PAAF1: variants seen among roughly 807,000 people sequenced by gnomAD.
The protein encoded by PAAF1 is proteasomal ATPase-associated factor 1.
Under a neutral mutation model 52.8 loss-of-function variants are expected in PAAF1, and 46 were observed. That is an observed-to-expected ratio of 0.87 (90% CI 0.69 to 1.11). PAAF1 has a LOEUF of 1.11. Among genes scored for constraint, PAAF1 ranks in the 50% most tolerant of loss-of-function variants. PAAF1 has a pLI of 0.00. For synonymous variants in PAAF1, 178 were observed against 172.8 expected, an observed-to-expected ratio of 1.03 and a Z score of -0.24; for missense variants, 424 against 477.4, an observed-to-expected ratio of 0.89 and a Z score of 1.04.
chr11:73,926,768 A>T (rs976274907), intron 11 of PAAF1, among the ~76,000 whole-genome samples: 3 of 152,140 alleles, frequency 2.0e-5, no homozygotes, highest in East Asian at 1.9e-4. Flanking sequence ...ACACATTTCC[A>T]TTGTACAAAT....
At chr11:73,918,163 G>A (rs1355664209) in intron 9 of PAAF1, among the ~76,000 whole-genome samples, 1 of 152,102 alleles carries the variant, frequency 6.6e-6, no homozygotes. Flanking sequence ...ATGTGAAGGG[G>A]ATTGTTTTCA....
upstream of PAAF1, chr11:73,876,721 CA>C (rs1948752181): frequency 3.4e-6 from 1 of 294,562 alleles, no homozygotes; most frequent in Admixed American, 5.2e-5. Flanking sequence ...GTTGTGCCCG[CA>C]ACGCCTCCTG....
At chr11:73,895,687 T>C (rs1565132316) in intron 4 of PAAF1, among the ~76,000 whole-genome samples, 1 of 152,258 alleles carries the variant, frequency 6.6e-6, no homozygotes, top group Non-Finnish European at 1.5e-5. Flanking sequence ...TTGCATATCT[T>C]GGTCCATCAT....
At chr11:73,924,557 T>G in intron 10 of PAAF1, 58 bp from the exon 11 acceptor site, 1 of 1,417,386 alleles carries the variant, frequency 7.1e-7, no homozygotes, top group Non-Finnish European at 1.0e-6. Flanking sequence ...AATACTGAGT[T>G]TTTAAACTCT....
rs751629541 is a variant in PAAF1 at position 73,909,426 on chromosome 11, G to A, written c.560G>A (p.Arg187Gln). The A allele has an allele frequency of 9.3e-6, 15 of 1,613,768 alleles. No homozygotes were observed. Among genetic ancestry groups the A allele is most frequent in the South Asian group, 2.2e-5 (2 of 91,056 alleles). The change falls in exon 7 of 12, where the codon CGG becomes CAG. Residue 187 changes from arginine (R) to glutamine (Q), a missense_variant. Coordinates refer to ENST00000310571, the MANE Select transcript of PAAF1 (RefSeq NM_025155.3). ...GGILDTAIVD[R>Q]GRNVVSASRD... ...ATCCTGGATACAGCCATCGTTGATC[G>A]GGGGAGGAATGTGGTGTCTGCTTCT...
chr11:73,924,717 C>G lies in PAAF1; in HGVS notation c.1101+20C>G. 6.3e-7 allele frequency: 1 copy of G among 1,596,232 alleles called. No individual in the cohort carries two copies. Among genetic ancestry groups the G allele is most frequent in the African/African-American group, 1.3e-5 (1 of 74,628 alleles). ...TACAAGGTACAGGCCTGAGACGACA[C>G]CAGACCTGGGTGATTCTCATGAGAG... On this transcript the variant is annotated intron_variant, in intron 11 of 11. Transcript: ENST00000310571.
rs562120037 is a variant in PAAF1, at chr11:73,912,533, C to T, written c.728-1880C>T. On this transcript the variant is annotated intron_variant, in intron 7 of 11. Coordinates refer to ENST00000310571, the MANE Select transcript of PAAF1 (RefSeq NM_025155.3). ...TCTCCCTCTCCCTCCCCCTCTCTCC[C>T]TTCCTCCTGTCAACATCTGGTCCAA... Among the ~76,000 whole-genome samples, 10 of 152,270 alleles carry T rather than the reference C, an allele frequency of 6.6e-5. No individual in the cohort carries two copies. The East Asian group carries it at 1.7e-3, about 26-fold the overall frequency.
rs558473808 is a variant in PAAF1 at position 73,877,763 on chromosome 11, A to G, written c.47+695A>G. Among the ~76,000 whole-genome samples, 49 of 152,158 alleles carry G rather than the reference A, an allele frequency of 3.2e-4. No homozygotes were observed. The East Asian group carries it at 9.1e-3, about 28-fold the overall frequency. The stretch of plus-strand genomic sequence containing the variant: ...TAGTCGGGCTTGGTGGTGGGCGCCT[A>G]TAATCCCAGCTACTCGGGAGGCTGA... On this transcript the variant is annotated intron_variant, in intron 1 of 11. Transcript: ENST00000310571.
intron 6 of PAAF1, among the ~76,000 whole-genome samples, chr11:73,903,833 C>T (rs1949689226): frequency 6.8e-6 from 1 of 147,434 alleles, no homozygotes; most frequent in Non-Finnish European, 1.5e-5. Flanking sequence ...CCTGTAATCC[C>T]AGTACTTTGG....
chr11:73,898,541 G>A (rs747442423), intron 4 of PAAF1, among the ~76,000 whole-genome samples: 1 of 152,038 alleles, frequency 6.6e-6, no homozygotes, highest in East Asian at 1.9e-4. Flanking sequence ...AAAATAGCAG[G>A]GCTGGGCACG....
intron 10 of PAAF1, among the ~76,000 whole-genome samples, chr11:73,922,832 A>AG (rs1270140200): frequency 9.9e-5 from 15 of 151,930 alleles, no homozygotes; most frequent in African/African-American, 3.6e-4. Context: ...AAAAAAAAAA[A>AG]AAAGAAGTTG....
intron 9 of PAAF1, 66 bp downstream of exon 9, chr11:73,916,726 A>G (rs1263342102): frequency 1.8e-6 from 2 of 1,120,750 alleles, no homozygotes; most frequent in East Asian, 2.4e-5. Context: ...TGGCTTTAAC[A>G]TTGATTTAGC....
At chr11:73,922,287 G>A (rs1453823217) in intron 10 of PAAF1, 7 of 517,752 alleles carry the variant, frequency 1.4e-5, no homozygotes. Context: ...TTCCAGTACT[G>A]ATGTCTAAAG....
rs1948763916 is a variant in PAAF1 at position 73,877,128 on chromosome 11, A to C, written c.47+60A>C. On this transcript the variant is annotated intron_variant, in intron 1 of 11. Coordinates refer to ENST00000310571, the MANE Select transcript of PAAF1 (RefSeq NM_025155.3). ...GGGTAGTGGATGTTGCTTTGCGTCA[A>C]GGAGAGCCATGCCTGGTCCAGGATA... 6.8e-6 allele frequency: 10 copies of C among 1,463,514 alleles called. No homozygotes were observed. In the East Asian group the frequency reaches 2.4e-4, roughly 36 times the overall value. 90.7% of individuals were successfully genotyped at this position (1,463,514 alleles called of 1,614,324 possible).
intron 2 of PAAF1, among the ~76,000 whole-genome samples, chr11:73,880,893 G>T (rs561347960): frequency 6.6e-6 from 1 of 151,842 alleles, no homozygotes; most frequent in African/African-American, 2.4e-5. Flanking sequence ...CCAGCTACTC[G>T]GAAGGCTGAG....
intron 6 of PAAF1, among the ~76,000 whole-genome samples, chr11:73,902,396 G>T (rs1268927650): frequency 6.6e-6 from 1 of 152,144 alleles, no homozygotes; most frequent in Non-Finnish European, 1.5e-5. Context: ...ACAGATCTGG[G>T]GAGTCCAGGA....
At chr11:73,912,957 A>T (rs894269144) in intron 7 of PAAF1, among the ~76,000 whole-genome samples, 15 of 151,942 alleles carry the variant, frequency 9.9e-5, no homozygotes, top group Middle Eastern at 3.4e-3. Context: ...GCTCACTGCA[A>T]CCTCCACCTC....
intron 6 of PAAF1, among the ~76,000 whole-genome samples, chr11:73,906,253 T>TTTTG (rs142630038): frequency 2.6e-5 from 4 of 152,004 alleles, no homozygotes; most frequent in South Asian, 4.2e-4. Flanking sequence ...TTTCGTTTAG[T>TTTTG]TTTGTTTGTT....
In PAAF1 at chr11:73,929,582, A is replaced by C. The variant is rs1395659824; in HGVS notation, c.*2220A>C. The C allele has an allele frequency of 6.6e-6, 1 of 152,268 alleles. No individual in the cohort carries two copies. Among genetic ancestry groups the C allele is most frequent in the Non-Finnish European group, 1.5e-5 (1 of 68,048 alleles). The allele number at this position is 152,268 out of a possible 1,614,324, so 9.4% of individuals were successfully genotyped here. The stretch of plus-strand genomic sequence containing the variant: ...CAGAGGCTTCATTTGGACCTTGGAC[A>C]GCACCTTCTGCTGCACTGTGTAATC... On this transcript the variant is annotated 3_prime_UTR_variant, in exon 12 of 12. Transcript: ENST00000310571.
Sources: gnomAD v4.1 joint callset for allele counts (sites outside exome capture counted in the v4.1 genomes callset) on GRCh38, gnomAD v4.1.1 for gene constraint, MANE v1.5 for transcripts, NCBI Gene and HGNC (gene_info 2026-07-23, HGNC 2026-07-21) for gene names.